Variants in ANKRD27 observed in about 807,000 individuals in gnomAD.
ANKRD27 encodes ankyrin repeat domain 27.
Under a neutral mutation model 129.7 loss-of-function variants are expected in ANKRD27, and 112 were observed. The observed-to-expected ratio is 0.86, with a 90% CI of 0.74 to 1.01. The LOEUF is 1.01. Ranked by LOEUF, ANKRD27 falls within the 50% of genes least tolerant of loss-of-function variation. The pLI, the probability that ANKRD27 is intolerant of heterozygous loss-of-function variation, is 0.00. For missense variants in ANKRD27, 1,258 were observed against 1,300.5 expected, an observed-to-expected ratio of 0.97 and a Z score of 0.50; for synonymous variants, 516 against 511.2, an observed-to-expected ratio of 1.01 and a Z score of -0.13.
rs1555747136 is a variant in ANKRD27 at position 32,656,103 on chromosome 19, G to GAAAGAAAGAAAGGAAAAGA, written c.102+2810_102+2811insTCTTTTCCTTTCTTTCTTT. Among the ~76,000 whole-genome samples, 8 of 123,754 alleles carry GAAAGAAAGAAAGGAAAAGA rather than the reference G, an allele frequency of 6.5e-5. No individual in the cohort carries two copies. The South Asian group carries it at 1.4e-3, about 21-fold the overall frequency. The allele number at this position is 123,754 out of a possible 152,430, so 81.2% of individuals were successfully genotyped here. ...AGAAAGAAAGAAAGAAAGAAAGAAA[G>GAAAGAAAGAAAGGAAAAGA]AAAGAAAAGAAAAGAAAAGAAAAGA... On this transcript the variant is annotated intron_variant, in intron 2 of 28. Coordinates refer to ENST00000306065, the MANE Select transcript of ANKRD27 (RefSeq NM_032139.3).
At position 32,631,446 on chromosome 19, in the gene ANKRD27, A is replaced by G. The variant is rs1297035745; in HGVS notation, c.1165T>C (p.Leu389=). 1 of 1,614,158 alleles carries G rather than the reference A, an allele frequency of 6.2e-7. No homozygotes were observed. Among genetic ancestry groups the G allele is most frequent in the Non-Finnish European group, 8.5e-7 (1 of 1,180,024 alleles). ...GGAGACGAAGTCATCTGAGAGAGTA[A>G]GCTCATTCTCTGCTTAAGGAACAGC... ...DRLFLKQRMS[L]LSQMTSSPTD... is the part of the protein sequence containing the mutation. Residue 389 remains leucine, a synonymous_variant, in exon 13 of 29, where the codon TTA becomes CTA. Transcript: ENST00000306065.
At position 32,626,813 on chromosome 19, in the gene ANKRD27, T is replaced by C. The variant is rs1242508592; in HGVS notation, c.1435A>G (p.Ile479Val). Residue 479 changes from isoleucine (I) to valine (V), a missense_variant, in exon 16 of 29, where the codon ATC becomes GTC. Transcript: ENST00000306065. ...GCGCCCTTGGAAACCAGGAGGTCGATGAGGGATGCCTGCCCTGCAGAGCAG... is the reference window on the plus strand; with the variant it reads ...GCGCCCTTGGAAACCAGGAGGTCGACGAGGGATGCCTGCCCTGCAGAGCAG... ...VAAVCGQASLIDLLVSKGAMV... is the reference protein window; with the variant it reads ...VAAVCGQASLVDLLVSKGAMV... The C allele has an allele frequency of 2.5e-6, 4 of 1,610,054 alleles. No homozygotes were observed. Among genetic ancestry groups the C allele is most frequent in the Non-Finnish European group, 2.5e-6 (3 of 1,178,236 alleles).
chr19:32,663,190 A>G (rs968463162), intron 1 of ANKRD27, among the ~76,000 whole-genome samples: 1 of 152,240 alleles, frequency 6.6e-6, no homozygotes, highest in Non-Finnish European at 1.5e-5. Flanking sequence ...AGAAGCCCAC[A>G]TGATGAAAGG....
chr19:32,649,664 C>T lies in ANKRD27; in HGVS notation c.213+18G>A. On this transcript the variant is annotated intron_variant, in intron 3 of 28. Coordinates refer to ENST00000306065, the MANE Select transcript of ANKRD27 (RefSeq NM_032139.3). ...CACCGAGTAGGTGACCCTGGCTGAT[C>T]CACCAAGAAATGAATACCTTTCCAT... 1 of 1,552,720 alleles carries T rather than the reference C, an allele frequency of 6.4e-7. No homozygotes were observed. Among genetic ancestry groups the T allele is most frequent in the South Asian group, 1.1e-5 (1 of 89,828 alleles).
At chr19:32,600,418 A>G (rs1421450433) in intron 26 of ANKRD27, 1 of 175,404 alleles carries the variant, frequency 5.7e-6, no homozygotes, top group Non-Finnish European at 1.2e-5. Context: ...GCACGCACCT[A>G]TAATCCCAGC....
At chr19:32,621,055 C>CA (rs1972003619) in intron 18 of ANKRD27, among the ~76,000 whole-genome samples, 1 of 151,978 alleles carries the variant, frequency 6.6e-6, no homozygotes, top group African/African-American at 2.4e-5. Flanking sequence ...AATCATGCCT[C>CA]AATAAAGAGG....
chr19:32,643,747 A>T, intron 5 of ANKRD27, 116 bp from the exon 6 acceptor site: 1 of 1,044,896 alleles, frequency 9.6e-7, no homozygotes, highest in Non-Finnish European at 1.5e-6. Context: ...TATGAAGTCA[A>T]TTACGTGATT....
intron 1 of ANKRD27, among the ~76,000 whole-genome samples, chr19:32,663,321 A>G (rs898220947): frequency 6.6e-6 from 1 of 152,156 alleles, no homozygotes; most frequent in Non-Finnish European, 1.5e-5. Flanking sequence ...AACTCACACA[A>G]CGTAGGAAGT....
intron 2 of ANKRD27, among the ~76,000 whole-genome samples, chr19:32,656,947 G>A (rs1357236026): frequency 6.6e-6 from 1 of 152,158 alleles, no homozygotes; most frequent in Non-Finnish European, 1.5e-5. Context: ...TATTTGGAAA[G>A]AGCTATATAT....
At chr19:32,645,846 C>T (rs1373433680) in intron 4 of ANKRD27, among the ~76,000 whole-genome samples, 5 of 151,566 alleles carry the variant, frequency 3.3e-5, no homozygotes, top group Non-Finnish European at 4.4e-5. Flanking sequence ...ATGTTGGTCA[C>T]GCTGGTCTTG....
intron 9 of ANKRD27, among the ~76,000 whole-genome samples, chr19:32,642,813 G>A (rs866290): frequency 1.3e-5 from 2 of 152,128 alleles, no homozygotes; most frequent in African/African-American, 4.8e-5. Flanking sequence ...GGGTGGGCAG[G>A]TGGGATGTCC....
chr19:32,630,536 G>T (rs1398073947), intron 13 of ANKRD27, among the ~76,000 whole-genome samples: 1 of 152,248 alleles, frequency 6.6e-6, no homozygotes, highest in Non-Finnish European at 1.5e-5. Flanking sequence ...CACTGAGCTG[G>T]CCTGGAGGAA....
At chr19:32,642,257 T>C in intron 9 of ANKRD27, 112 bp from the exon 10 acceptor site, 1 of 1,121,946 alleles carries the variant, frequency 8.9e-7, no homozygotes, top group Non-Finnish European at 1.2e-6. Flanking sequence ...CCAGAAGGAA[T>C]GAAACACAAA....
At chr19:32,631,241 A>G (rs1352255101) in intron 13 of ANKRD27, among the ~76,000 whole-genome samples, 161 bp downstream of exon 13, 2 of 150,990 alleles carry the variant, frequency 1.3e-5, no homozygotes, top group Admixed American at 6.6e-5. Context: ...CTTGGCCTTG[A>G]ACTCCTGGCC....
rs369731855 is a variant in ANKRD27 at position 32,619,349 on chromosome 19, C to T, written c.1918G>A (p.Asp640Asn). 1 of 1,613,850 alleles carries T rather than the reference C, an allele frequency of 6.2e-7. No homozygotes were observed. The highest frequency in any genetic ancestry group is 1.1e-5 in the South Asian group (1 of 91,068). The change falls in exon 20 of 29, where the codon GAC (aspartate) becomes AAC (asparagine). Residue 640 changes from aspartate (D) to asparagine (N), a missense_variant. Asp to Asn is a conservative substitution (Grantham distance 23). Coordinates refer to ENST00000306065, the MANE Select transcript of ANKRD27 (RefSeq NM_032139.3). Reference sequence around the variant, plus strand: ...GTGGAGGACTCTTGGCTGATGGAGTCCACGGAGCGCTGCGGGGACTGCACA... The same window carrying T: ...GTGGAGGACTCTTGGCTGATGGAGTTCACGGAGCGCTGCGGGGACTGCACA... ...APVQSPQRSV[D>N]SISQESSTSS...
chr19:32,598,403 C>T (rs199836316), intron 28 of ANKRD27, 25 bp from the exon 29 acceptor site: 13 of 1,609,132 alleles, frequency 8.1e-6, no homozygotes, highest in African/African-American at 1.3e-5. Flanking sequence ...CATTTTTAAC[C>T]GTTGACGTCC....
rs200281838 is a variant in ANKRD27, at chr19:32,659,133, C to CTTTTTTTTTTTTTTTTTTT, written c.-30-89_-30-88insAAAAAAAAAAAAAAAAAAA. The CTTTTTTTTTTTTTTTTTTT allele has an allele frequency of 1.2e-5, 4 of 324,546 alleles. 2 individuals carry two copies. The highest frequency in any genetic ancestry group is 1.1e-5 in the Non-Finnish European group (2 of 180,974). 20.1% of individuals were successfully genotyped at this position (324,546 alleles called of 1,614,324 possible). ...CTGCATCTGATGCATCTGGCATTTT[C>CTTTTTTTTTTTTTTTTTTT]TTTTTCTTTTTTTTTTTTTTTTTGA... On this transcript the variant is annotated intron_variant, in intron 1 of 28. Coordinates refer to ENST00000306065, the MANE Select transcript of ANKRD27 (RefSeq NM_032139.3).
At chr19:32,600,318 T>C (rs780275112) in intron 26 of ANKRD27, 23 of 292,490 alleles carry the variant, frequency 7.9e-5, no homozygotes, top group Non-Finnish European at 1.4e-4. Context: ...GGTGGGCATA[T>C]CACTTGAGGT....
chr19:32,643,706 C>T (rs1316361365), intron 5 of ANKRD27, 75 bp from the exon 6 acceptor site: 36 of 1,467,682 alleles, frequency 2.5e-5, no homozygotes, highest in South Asian at 2.3e-4. Context: ...GCGGGTAAGG[C>T]GCACAGAGCT....
Sources: gnomAD v4.1 joint callset for allele counts (sites outside exome capture counted in the v4.1 genomes callset) on GRCh38, gnomAD v4.1.1 for gene constraint, MANE v1.5 for transcripts, NCBI Gene and HGNC (gene_info 2026-07-23, HGNC 2026-07-21) for gene names.